Variants in SLC8A1 observed in about 807,000 individuals in gnomAD.
SLC8A1 encodes solute carrier family 8 member A1.
Under a neutral mutation model 68.3 loss-of-function variants are expected in SLC8A1, and 18 were observed. That is an observed-to-expected ratio of 0.26 (90% CI 0.18 to 0.39). The LOEUF (loss-of-function observed/expected upper bound fraction) is 0.39, where lower values mean the gene tolerates loss of function less well. Among genes scored for constraint, SLC8A1 ranks in the 10% least tolerant of loss-of-function variants. The pLI, the probability that SLC8A1 is intolerant of heterozygous loss-of-function variation, is 1.00. For synonymous variants in SLC8A1, 475 were observed against 415.5 expected (o/e 1.14, Z -1.74); for missense variants, 985 against 1,156.7 (o/e 0.85, Z 2.15).
At chr2:40,325,793 A>AG (rs1285360982) in intron 2 of SLC8A1, among the ~76,000 whole-genome samples, 8 of 150,544 alleles carry the variant, frequency 5.3e-5, no homozygotes, top group Non-Finnish European at 1.2e-4. Context: ...AAAAAAAAAA[A>AG]AAAAAAAAAA....
intron 2 of SLC8A1, among the ~76,000 whole-genome samples, chr2:40,244,168 T>C (rs1322044124): frequency 2.0e-5 from 3 of 152,154 alleles, no homozygotes; most frequent in Admixed American, 2.0e-4. Context: ...TTTGAAGCTT[T>C]CCTGGTATCT....
intron 1 of SLC8A1, among the ~76,000 whole-genome samples, chr2:40,464,775 G>A (rs554927007): frequency 2.7e-4 from 41 of 152,256 alleles, no homozygotes; most frequent in African/African-American, 9.6e-4. Context: ...CCAGTTGGTG[G>A]GAGTCAACCT....
intron 1 of SLC8A1, among the ~76,000 whole-genome samples, chr2:40,498,971 A>G (rs954976100): frequency 2.0e-5 from 3 of 152,100 alleles, no homozygotes; most frequent in Admixed American, 6.6e-5. Context: ...TAGAAATAAG[A>G]GCACATTCAA....
intron 2 of SLC8A1, among the ~76,000 whole-genome samples, chr2:40,204,227 T>C (rs1048843775): frequency 3.9e-5 from 6 of 152,068 alleles, no homozygotes; most frequent in Non-Finnish European, 7.4e-5. Context: ...AAGATTGCTT[T>C]AGACTGCTAC....
chr2:40,141,085 G>T (rs542101049), intron 6 of SLC8A1, among the ~76,000 whole-genome samples: 1 of 152,176 alleles, frequency 6.6e-6, no homozygotes, highest in African/African-American at 2.4e-5. Flanking sequence ...TGAAGTCTTT[G>T]TTGACCCATT....
At chr2:40,205,820 A>C (rs2055325646) in intron 2 of SLC8A1, among the ~76,000 whole-genome samples, 2 of 151,348 alleles carry the variant, frequency 1.3e-5, no homozygotes, top group Admixed American at 6.6e-5. Flanking sequence ...TATCTTGAAA[A>C]AAAAAAAAAA....
intron 2 of SLC8A1, among the ~76,000 whole-genome samples, chr2:40,253,037 ATCAGTATATG>A (rs1298038073): frequency 2.5e-5 from 1 of 39,266 alleles, no homozygotes; most frequent in Non-Finnish European, 1.3e-4. Context: ...ATACATATGT[ATCAGTATATG>A]TATATATGTA....
At chr2:40,170,294 T>G in intron 4 of SLC8A1, 1 of 1,613,980 alleles carries the variant, frequency 6.2e-7, no homozygotes, top group East Asian at 2.2e-5. Flanking sequence ...CAATGGTGAT[T>G]ACAGTAGAGA....
At chr2:40,166,295 G>A (rs534400073) in intron 4 of SLC8A1, among the ~76,000 whole-genome samples, 11 of 152,186 alleles carry the variant, frequency 7.2e-5, no homozygotes, top group Non-Finnish European at 1.6e-4. Flanking sequence ...GGGAGTGAAT[G>A]AGCTAGAGGC....
At chr2:40,436,723 C>A (rs1328493779) in intron 1 of SLC8A1, among the ~76,000 whole-genome samples, 1 of 151,954 alleles carries the variant, frequency 6.6e-6, no homozygotes, top group African/African-American at 2.4e-5. Flanking sequence ...GAAAGAACAC[C>A]AAGCATTTAA....
intron 2 of SLC8A1, among the ~76,000 whole-genome samples, chr2:40,310,078 G>C (rs967092458): frequency 1.3e-5 from 2 of 152,050 alleles, no homozygotes; most frequent in African/African-American, 4.8e-5. Context: ...TTTGTGTTTG[G>C]CTTCTTTCAC....
intron 2 of SLC8A1, among the ~76,000 whole-genome samples, chr2:40,249,408 G>C (rs2149015765): frequency 6.6e-6 from 1 of 152,248 alleles, no homozygotes; most frequent in South Asian, 2.1e-4. Flanking sequence ...CATTACATCA[G>C]CATTTTTCAA....
At chr2:40,499,408 A>G (rs950431072) in intron 1 of SLC8A1, among the ~76,000 whole-genome samples, 2 of 152,124 alleles carry the variant, frequency 1.3e-5, no homozygotes, top group African/African-American at 4.8e-5. Context: ...TAATATAGGT[A>G]AATCACTGAG....
intron 2 of SLC8A1, among the ~76,000 whole-genome samples, chr2:40,181,367 C>T (rs1052106932): frequency 2.0e-5 from 3 of 152,168 alleles, no homozygotes; most frequent in Admixed American, 1.3e-4. Context: ...ACTAGCATAT[C>T]CCTAGTCATA....
At chr2:40,475,234 C>T (rs891884580) in intron 1 of SLC8A1, among the ~76,000 whole-genome samples, 2 of 152,066 alleles carry the variant, frequency 1.3e-5, no homozygotes, top group African/African-American at 4.8e-5. Flanking sequence ...CCCGGGTTCA[C>T]GCCATTCTCC....
chr2:40,229,691 CAT>C (rs143340031), intron 2 of SLC8A1, among the ~76,000 whole-genome samples: 13,233 of 152,174 alleles, frequency 0.087, 785 homozygotes, highest in Non-Finnish European at 0.12. Context: ...ATCCTCCAAA[CAT>C]AACCTAACAA....
chr2:40,409,263 G>A (rs1014392844), intron 2 of SLC8A1, among the ~76,000 whole-genome samples: 3 of 151,928 alleles, frequency 2.0e-5, no homozygotes, highest in Non-Finnish European at 4.4e-5. Context: ...TTGTTACTAG[G>A]GTATATTCTA....
intron 2 of SLC8A1, among the ~76,000 whole-genome samples, chr2:40,403,834 G>A (rs1689479810): frequency 6.6e-6 from 1 of 152,146 alleles, no homozygotes; most frequent in Admixed American, 6.5e-5. Context: ...GAAGGCAAGA[G>A]CACAAAAATA....
chr2:40,426,551 T>A (rs906756068), intron 2 of SLC8A1, among the ~76,000 whole-genome samples: 2 of 152,066 alleles, frequency 1.3e-5, no homozygotes, highest in African/African-American at 4.8e-5. Context: ...AAGAAGGTTA[T>A]TTATGGTTTG....
Sources: gnomAD v4.1 joint callset for allele counts (sites outside exome capture counted in the v4.1 genomes callset) on GRCh38, gnomAD v4.1.1 for gene constraint, MANE v1.5 for transcripts, NCBI Gene and HGNC (gene_info 2026-07-23, HGNC 2026-07-21) for gene names.